CUL5: variants seen among roughly 807,000 people sequenced by gnomAD.
CUL5 encodes cullin-5.
Under a neutral mutation model 108.8 loss-of-function variants are expected in CUL5, and 26 were observed. That is an observed-to-expected ratio of 0.24 (90% CI 0.18 to 0.33). CUL5 has a LOEUF of 0.33. Among genes scored for constraint, CUL5 ranks in the 10% least tolerant of loss-of-function variants. The pLI is 1.00. For missense variants in CUL5, 524 were observed against 909.2 expected (o/e 0.58, Z 5.45); for synonymous variants, 334 against 298.0 (o/e 1.12, Z -1.25).
intron 1 of CUL5, among the ~76,000 whole-genome samples, chr11:108,025,184 A>G (rs1193418205): frequency 6.6e-6 from 1 of 152,180 alleles, no homozygotes; most frequent in Non-Finnish European, 1.5e-5. Flanking sequence ...ATGCCATCCC[A>G]TACCTTTTTG....
chr11:108,067,833 G>A (rs187136208), intron 7 of CUL5, among the ~76,000 whole-genome samples: 2 of 152,262 alleles, frequency 1.3e-5, no homozygotes, highest in South Asian at 4.1e-4. Flanking sequence ...TGATGTTATA[G>A]AATAAGATTA....
At chr11:108,050,937 G>A (rs559556301) in intron 4 of CUL5, among the ~76,000 whole-genome samples, 13 of 152,196 alleles carry the variant, frequency 8.5e-5, no homozygotes, top group South Asian at 2.1e-4. Context: ...TTCAAACTCC[G>A]TCCTCATTTT....
At position 108,092,702 on chromosome 11, in the gene CUL5, G is replaced by C. The variant is rs146633062; in HGVS notation, c.1444-1689G>C. Among the ~76,000 whole-genome samples, 8 of 152,294 alleles carry C rather than the reference G, an allele frequency of 5.3e-5. No individual in the cohort carries two copies. The East Asian group carries it at 1.5e-3, about 29-fold the overall frequency. ...GGGAAATGACGAGTGACTGTAAATA[G>C]TATGGGGTTTCTTTTTGGGGTGATG... On this transcript the variant is annotated intron_variant, in intron 13 of 18. Coordinates refer to ENST00000393094, the MANE Select transcript of CUL5 (RefSeq NM_003478.6).
intron 1 of CUL5, among the ~76,000 whole-genome samples, chr11:108,013,190 T>TTC (rs1157170016): frequency 2.0e-5 from 3 of 152,194 alleles, no homozygotes; most frequent in Non-Finnish European, 4.4e-5. Flanking sequence ...CTCCTTGGTC[T>TTC]TCTCTCTCTC....
chr11:108,081,604 T>TAGC (rs1280653705), intron 11 of CUL5, among the ~76,000 whole-genome samples: 3 of 151,450 alleles, frequency 2.0e-5, no homozygotes, highest in African/African-American at 7.3e-5. Context: ...TACAAAAAAT[T>TAGC]AGCCAGGCGT....
At chr11:108,055,771 C>A (rs1363764270) in intron 7 of CUL5, among the ~76,000 whole-genome samples, 2 of 152,090 alleles carry the variant, frequency 1.3e-5, no homozygotes, top group Non-Finnish European at 2.9e-5. Flanking sequence ...GCTGGGACTA[C>A]AAGCGCATGC....
At chr11:108,095,036 TAGC>T (rs1864455182) in intron 15 of CUL5, 49 bp downstream of exon 15, 1 of 1,471,482 alleles carries the variant, frequency 6.8e-7, no homozygotes, top group African/African-American at 1.4e-5. Flanking sequence ...TGGATGAAAG[TAGC>T]AGGACTCCGC....
intron 1 of CUL5, among the ~76,000 whole-genome samples, chr11:108,016,803 A>C (rs535038584): frequency 4.8e-4 from 73 of 152,226 alleles, no homozygotes; most frequent in Non-Finnish European, 8.1e-4. Context: ...CAAACAAAAA[A>C]AAACAAACAA....
chr11:108,041,985 A>G (rs1459019564), intron 2 of CUL5, among the ~76,000 whole-genome samples: 1 of 152,226 alleles, frequency 6.6e-6, no homozygotes, highest in Non-Finnish European at 1.5e-5. Context: ...CTTTTGTTAT[A>G]GTAAACTAAA....
chr11:108,102,564 CA>C (rs779444066), intron 18 of CUL5, among the ~76,000 whole-genome samples: 2 of 151,838 alleles, frequency 1.3e-5, no homozygotes, highest in Admixed American at 1.3e-4. Flanking sequence ...CTCCACGACT[CA>C]AACGATCCAC....
At chr11:108,025,568 A>AG (rs1862432875) in intron 1 of CUL5, among the ~76,000 whole-genome samples, 1 of 152,162 alleles carries the variant, frequency 6.6e-6, no homozygotes, top group Non-Finnish European at 1.5e-5. Context: ...GACTCTACCC[A>AG]ATGCCTGGCA....
intron 13 of CUL5, among the ~76,000 whole-genome samples, chr11:108,091,376 A>C (rs1864355478): frequency 6.6e-6 from 1 of 151,432 alleles, no homozygotes; most frequent in African/African-American, 2.4e-5. Flanking sequence ...TTAAAAAAAA[A>C]ATATCAAGAC....
chr11:108,065,561 C>T (rs375857435), intron 7 of CUL5, among the ~76,000 whole-genome samples: 1 of 152,132 alleles, frequency 6.6e-6, no homozygotes, highest in Non-Finnish European at 1.5e-5. Context: ...CCTACTTTTG[C>T]TTTCTGCTGT....
intron 8 of CUL5, 85 bp downstream of exon 8, chr11:108,070,274 A>G: frequency 2.1e-6 from 2 of 938,574 alleles, no homozygotes; most frequent in Non-Finnish European, 3.4e-6. Flanking sequence ...CTCTTAGTTA[A>G]TTCTTTTCCA....
At chr11:108,076,730 G>A (rs7120711) in intron 10 of CUL5, among the ~76,000 whole-genome samples, 32,923 of 151,996 alleles carry the variant, frequency 0.22, 3,852 homozygotes, top group East Asian at 0.48. Flanking sequence ...TATATGCCTA[G>A]AAGAGGGATT....
intron 1 of CUL5, among the ~76,000 whole-genome samples, chr11:108,011,217 C>G (rs1023727925): frequency 6.6e-6 from 1 of 152,154 alleles, no homozygotes; most frequent in Non-Finnish European, 1.5e-5. Context: ...GTTCTACTTA[C>G]AAAACCTCAC....
At chr11:108,034,389 A>G (rs760382968) in intron 2 of CUL5, among the ~76,000 whole-genome samples, 1 of 152,180 alleles carries the variant, frequency 6.6e-6, no homozygotes, top group African/African-American at 2.4e-5. Context: ...AGTGTAAACC[A>G]TATTGTTTAT....
chr11:108,066,205 G>A lies in CUL5; in HGVS notation c.781-3891G>A, dbSNP rs377521625. Among the ~76,000 whole-genome samples the A allele has an allele frequency of 4.6e-5, 7 of 152,180 alleles. No homozygotes were observed. The East Asian group carries it at 5.8e-4, about 13-fold the overall frequency. On this transcript the variant is annotated intron_variant, in intron 7 of 18. Coordinates refer to ENST00000393094, the MANE Select transcript of CUL5 (RefSeq NM_003478.6). ...AATACAAAAACAAACTTAGCCAGGCGTGGTGGTGGATGCCTGCTGTCCCAG... is the reference window on the plus strand; with the variant it reads ...AATACAAAAACAAACTTAGCCAGGCATGGTGGTGGATGCCTGCTGTCCCAG...
chr11:108,067,900 T>C (rs1215095054), intron 7 of CUL5, among the ~76,000 whole-genome samples: 1 of 152,186 alleles, frequency 6.6e-6, no homozygotes, highest in Non-Finnish European at 1.5e-5. Flanking sequence ...TTAACCATTT[T>C]ATATGTGTAG....
Sources: gnomAD v4.1 joint callset for allele counts (sites outside exome capture counted in the v4.1 genomes callset) on GRCh38, gnomAD v4.1.1 for gene constraint, MANE v1.5 for transcripts, NCBI Gene and HGNC (gene_info 2026-07-23, HGNC 2026-07-21) for gene names.